Variants in MKLN1 observed in about 807,000 individuals in gnomAD.
MKLN1 encodes muskelin.
In MKLN1, 18 loss-of-function variants were observed where a neutral mutation model predicts 99.0. That is an observed-to-expected ratio of 0.18 (90% CI 0.13 to 0.27). MKLN1 has a LOEUF of 0.27. Among genes scored for constraint, MKLN1 ranks in the 10% least tolerant of loss-of-function variants. The pLI is 1.00. For missense variants in MKLN1, 621 were observed against 875.9 expected, an observed-to-expected ratio of 0.71 and a Z score of 3.67; for synonymous variants, 288 against 293.2, an observed-to-expected ratio of 0.98 and a Z score of 0.18.
At chr7:131,266,960 A>T (rs996659837) in intron 3 of MKLN1, among the ~76,000 whole-genome samples, 3 of 149,996 alleles carry the variant, frequency 2.0e-5, no homozygotes, top group African/African-American at 7.3e-5. Context: ...AGGCAATAGA[A>T]TTTTTTTTTT....
At chr7:131,338,704 C>A (rs1487254) in intron 1 of MKLN1, among the ~76,000 whole-genome samples, 152,350 of 152,350 alleles carry the variant, frequency 1, 76,175 homozygotes, top group Non-Finnish European at 1. Context: ...TAAAAACGTA[C>A]GACTTGATCC....
Position 131,259,396 on chromosome 7 carries a change from G to A in MKLN1, c.-179+56422G>A, listed in dbSNP as rs137934998. ...TATCTGTCTCCTAGATCAAACAGTT[G>A]CTAAAATTTTGCCACATATTCTTCA... On this transcript the variant is annotated intron_variant, in intron 3 of 7. Coordinates refer to the MKLN1 transcript ENST00000416992. Among the ~76,000 whole-genome samples the A allele has an allele frequency of 1.4e-4, 22 of 152,160 alleles. No individual in the cohort carries two copies. The East Asian group carries it at 4.2e-3, about 29-fold the overall frequency.
intron 12 of MKLN1, among the ~76,000 whole-genome samples, chr7:131,454,390 C>G (rs1024398196): frequency 6.6e-6 from 1 of 152,080 alleles, no homozygotes; most frequent in African/African-American, 2.4e-5. Flanking sequence ...AAGCTAGTTG[C>G]AAATTTACAA....
chr7:131,383,976 C>G (rs1459251435), intron 2 of MKLN1, among the ~76,000 whole-genome samples: 1 of 152,122 alleles, frequency 6.6e-6, no homozygotes, highest in Non-Finnish European at 1.5e-5. Context: ...CAGATCATAG[C>G]TTTTTGTTGT....
Position 131,494,563 on chromosome 7 carries a change from A to G in MKLN1, c.*6835A>G, listed in dbSNP as rs1157997537. ...GGGAAGATAAATTTATTAAAGAGTC[A>G]TGTACTGATCTTTTTCTTGGGATTT... On this transcript the variant is annotated 3_prime_UTR_variant, in exon 18 of 18. Transcript: ENST00000352689. The G allele has an allele frequency of 1.3e-5, 2 of 152,204 alleles. No homozygotes were observed. Among genetic ancestry groups the G allele is most frequent in the East Asian group, 3.8e-4 (2 of 5,206 alleles). The allele number at this position is 152,204 out of a possible 1,614,324, so 9.4% of individuals were successfully genotyped here.
chr7:131,191,823 C>T (rs561640077), intron 2 of MKLN1, among the ~76,000 whole-genome samples: 1 of 149,956 alleles, frequency 6.7e-6, no homozygotes, highest in African/African-American at 2.4e-5. Flanking sequence ...AAGCAATTCT[C>T]ATGCCTCAGC....
At chr7:131,460,594 A>T (rs1360136012) in intron 12 of MKLN1, among the ~76,000 whole-genome samples, 1 of 152,224 alleles carries the variant, frequency 6.6e-6, no homozygotes, top group Non-Finnish European at 1.5e-5. Flanking sequence ...AGCTCTCCAC[A>T]GAAGCCTTCC....
chr7:131,225,166 C>G (rs796616019), intron 3 of MKLN1, among the ~76,000 whole-genome samples: 1 of 152,028 alleles, frequency 6.6e-6, no homozygotes. Flanking sequence ...CTGGATGGCT[C>G]ATGAACATGT....
At chr7:131,238,689 T>C (rs1388474519) in intron 3 of MKLN1, among the ~76,000 whole-genome samples, 1 of 152,268 alleles carries the variant, frequency 6.6e-6, no homozygotes, top group Admixed American at 6.5e-5. Context: ...CACACTTATC[T>C]GACATTCACC....
intron 11 of MKLN1, among the ~76,000 whole-genome samples, chr7:131,444,298 G>C (rs1795930687): frequency 6.6e-6 from 1 of 151,728 alleles, no homozygotes; most frequent in South Asian, 2.1e-4. Flanking sequence ...TTTGTATTTA[G>C]TAAAGACAGG....
chr7:131,440,824 G>A (rs897388644), intron 10 of MKLN1, among the ~76,000 whole-genome samples: 6 of 151,920 alleles, frequency 3.9e-5, no homozygotes, highest in African/African-American at 7.3e-5. Context: ...ATTTTACTCC[G>A]CATGTCAAAT....
chr7:131,304,975 C>T (rs924830365), intron 3 of MKLN1, among the ~76,000 whole-genome samples: 1 of 152,100 alleles, frequency 6.6e-6, no homozygotes, highest in African/African-American at 2.4e-5. Context: ...CCCTTTTTGC[C>T]CTTCCATCCT....
intron 1 of MKLN1, among the ~76,000 whole-genome samples, chr7:131,330,776 C>T (rs1799048233): frequency 6.6e-6 from 1 of 151,876 alleles, no homozygotes; most frequent in South Asian, 2.1e-4. Context: ...AATTCTTTTC[C>T]CCTTCTTCCA....
intron 2 of MKLN1, among the ~76,000 whole-genome samples, chr7:131,172,605 G>T (rs370601787): frequency 2.6e-5 from 4 of 152,160 alleles, no homozygotes; most frequent in African/African-American, 9.6e-5. Flanking sequence ...GTGAGCCACC[G>T]TGCCGGCCAA....
Position 131,411,393 on chromosome 7 carries a change from A to G in MKLN1, c.781+10A>G, listed in dbSNP as rs767786750. On this transcript the variant is annotated intron_variant, in intron 7 of 17. Coordinates refer to ENST00000352689, the MANE Select transcript of MKLN1 (RefSeq NM_013255.5). ...CCCAAAAGTACCAAAGGTAAGCCATACCTTCTAGATTGTAGTTCTTTTTCA... is the reference window on the plus strand; with the variant it reads ...CCCAAAAGTACCAAAGGTAAGCCATGCCTTCTAGATTGTAGTTCTTTTTCA... 1.3e-6 allele frequency: 2 copies of G among 1,571,412 alleles called. No homozygotes were observed. The highest frequency in any genetic ancestry group is 4.5e-5 in the East Asian group (2 of 44,608).
At chr7:131,266,246 A>G (rs1435956379) in intron 3 of MKLN1, among the ~76,000 whole-genome samples, 8 of 152,044 alleles carry the variant, frequency 5.3e-5, no homozygotes, top group Non-Finnish European at 1.2e-4. Flanking sequence ...TATACTGGAA[A>G]GAATATGGTA....
intron 6 of MKLN1, among the ~76,000 whole-genome samples, chr7:131,411,020 C>T (rs1480930006): frequency 1.3e-5 from 2 of 152,062 alleles, no homozygotes; most frequent in Non-Finnish European, 1.5e-5. Flanking sequence ...GCAACAGTGA[C>T]TTTGTATCTA....
At chr7:131,462,588 C>T (rs1296283766) in intron 12 of MKLN1, among the ~76,000 whole-genome samples, 1 of 152,102 alleles carries the variant, frequency 6.6e-6, no homozygotes, top group Non-Finnish European at 1.5e-5. Context: ...TTCCCTGTAG[C>T]TGGCAATTGA....
chr7:131,248,735 T>C (rs1797533787), intron 3 of MKLN1, among the ~76,000 whole-genome samples: 1 of 152,196 alleles, frequency 6.6e-6, no homozygotes, highest in African/African-American at 2.4e-5. Flanking sequence ...AGAGATGTGT[T>C]GCTGATTTAG....
Sources: allele counts gnomAD v4.1 joint callset (sites outside exome capture counted in the v4.1 genomes callset), GRCh38; gene constraint gnomAD v4.1.1; transcripts MANE v1.5; gene names NCBI Gene and HGNC (gene_info 2026-07-23, HGNC 2026-07-21).